Variants in WDR54 observed in about 807,000 individuals in gnomAD.
The protein encoded by WDR54 is WD repeat domain 54.
In WDR54, 44 loss-of-function variants were observed where a neutral mutation model predicts 44.1. That is an observed-to-expected ratio of 1.00 (90% CI 0.78 to 1.28). The LOEUF (loss-of-function observed/expected upper bound fraction) is 1.28. Among genes scored for constraint, WDR54 ranks in the 50% most tolerant of loss-of-function variants. WDR54 has a pLI of 0.00. For synonymous variants in WDR54, 169 were observed against 169.8 expected (o/e 1.00, Z 0.04); for missense variants, 409 against 429.7 (o/e 0.95, Z 0.43).
chr2:74,421,772 G>A lies in WDR54; in HGVS notation c.-46G>A. Reference sequence around the variant, plus strand: ...CTCTATGGTGGCGGCGGATTTGGAGGGACCCTACGAACCAGGAGTCAGGCG... The same window carrying A: ...CTCTATGGTGGCGGCGGATTTGGAGAGACCCTACGAACCAGGAGTCAGGCG... On this transcript the variant is annotated 5_prime_UTR_variant, in exon 1 of 10. Transcript: ENST00000348227. 1.5e-6 allele frequency: 1 copy of A among 662,282 alleles called. No individual in the cohort carries two copies. Among genetic ancestry groups the A allele is most frequent in the South Asian group, 1.7e-5 (1 of 59,098 alleles). 41.0% of individuals were successfully genotyped at this position (662,282 alleles called of 1,614,324 possible).
At position 74,422,793 on chromosome 2, in the gene WDR54, C is replaced by CAAA. The variant is rs201792044; in HGVS notation, c.223-77_223-76insAAA. The CAAA allele has an allele frequency of 2.2e-3, 2,060 of 952,756 alleles. 9 individuals are homozygous for CAAA. Among genetic ancestry groups the CAAA allele is most frequent in the Middle Eastern group, 2.5e-3 (10 of 4,054 alleles). The allele number at this position is 952,756 out of a possible 1,614,324, so 59.0% of individuals were successfully genotyped here. A position where few individuals can be genotyped will look rare whatever the true frequency, so the allele number is the denominator to read the frequency against. ...GGGCCACAGAGCAAGACTCCGTCCCCCAAAAAAAAAAAAAAAACAAACAAA... is the reference window on the plus strand; with the variant it reads ...GGGCCACAGAGCAAGACTCCGTCCCCAAACAAAAAAAAAAAAAAAACAAACAAA... On this transcript the variant is annotated intron_variant, in intron 2 of 9. Transcript: ENST00000348227.
At chr2:74,423,425 T>C in intron 4 of WDR54, 40 bp downstream of exon 4, 2 of 1,614,104 alleles carry the variant, frequency 1.2e-6, no homozygotes, top group South Asian at 2.2e-5. Flanking sequence ...AGGGAGTGTT[T>C]GCTAGGGCTG....
rs772739074 is a variant in WDR54 at position 74,425,412 on chromosome 2, C to T, written c.799-5C>T. 4 of 1,614,142 alleles carry T rather than the reference C, an allele frequency of 2.5e-6. No homozygotes were observed. Among genetic ancestry groups the T allele is most frequent in the Non-Finnish European group, 3.4e-6 (4 of 1,179,990 alleles). The stretch of plus-strand genomic sequence containing the variant: ...ATTCTGACTCCCCCTCTTCCTCCTC[C>T]ACAGCTACTCTCTGCAGGTGAGGAC... On this transcript the variant is annotated splice_region_variant and splice_polypyrimidine_tract_variant and intron_variant, in intron 8 of 9. Coordinates refer to ENST00000348227, the MANE Select transcript of WDR54 (RefSeq NM_032118.4).
intron 4 of WDR54, 21 bp downstream of exon 4, chr2:74,423,406 G>A (rs369622610): frequency 1.0e-4 from 163 of 1,614,050 alleles, no homozygotes; most frequent in Non-Finnish European, 1.3e-4. Flanking sequence ...GACCAAGTGG[G>A]GTGGGGGCAG....
In WDR54 at chr2:74,425,656, G is replaced by T; in HGVS notation, c.960G>T (p.Val320=). 6.2e-7 allele frequency: 1 copy of T among 1,614,220 alleles called. No homozygotes were observed. The highest frequency in any genetic ancestry group is 1.1e-5 in the South Asian group (1 of 91,064). ...FCDSSGNSFA[V]TGYDLAEIRR... is the part of the protein sequence containing the mutation. The stretch of plus-strand genomic sequence containing the variant: ...ATTCCTCAGGCAACTCCTTTGCTGT[G>T]ACTGGCTATGACCTTGCGGAGATCC... Residue 320 remains valine, a synonymous_variant, in exon 10 of 10, where the codon GTG becomes GTT. Coordinates refer to ENST00000348227, the MANE Select transcript of WDR54 (RefSeq NM_032118.4).
intron 2 of WDR54, 120 bp from the exon 3 acceptor site, chr2:74,422,750 G>A (rs1670175200): frequency 3.3e-6 from 3 of 916,614 alleles, no homozygotes; most frequent in Admixed American, 4.8e-5. Context: ...CCGAGATGGC[G>A]CCACTGCACT....
intron 2 of WDR54, 146 bp downstream of exon 2, chr2:74,422,521 G>A: frequency 1.9e-6 from 2 of 1,040,480 alleles, no homozygotes; most frequent in Non-Finnish European, 2.7e-6. Context: ...CCTGCCGGGC[G>A]CGGTGGCTCA....
At chr2:74,423,766 G>A in intron 5 of WDR54, 89 bp from the exon 6 acceptor site, 1 of 1,567,362 alleles carries the variant, frequency 6.4e-7, no homozygotes, top group South Asian at 1.2e-5. Flanking sequence ...TGTTACTAAG[G>A]TTTCTGGGAT....
At position 74,425,631 on chromosome 2, in the gene WDR54, A is replaced by T. The variant is rs757732556; in HGVS notation, c.935A>T (p.Asp312Val). The change falls in exon 10 of 10, where the codon GAT becomes GTT. Residue 312 changes from aspartate to valine, a missense_variant. Coordinates refer to ENST00000348227, the MANE Select transcript of WDR54 (RefSeq NM_032118.4). ...DTQLCGARFC[D>V]SSGNSFAVTG... Reference sequence around the variant, plus strand: ...CAGCTGTGTGGTGCTCGATTTTGTGATTCCTCAGGCAACTCCTTTGCTGTG... The same window carrying T: ...CAGCTGTGTGGTGCTCGATTTTGTGTTTCCTCAGGCAACTCCTTTGCTGTG... The T allele has an allele frequency of 1.1e-5, 18 of 1,614,046 alleles. No individual in the cohort carries two copies. The highest frequency in any genetic ancestry group is 1.4e-5 in the Non-Finnish European group (17 of 1,180,034).
chr2:74,422,122 C>T (rs369267348), intron 1 of WDR54, 31 bp from the exon 2 acceptor site: 68 of 1,600,764 alleles, frequency 4.2e-5, no homozygotes, highest in Non-Finnish European at 5.6e-5. Flanking sequence ...GTTTGTAGCG[C>T]GCCTGGTGAT....
chr2:74,422,964 A>G, intron 3 of WDR54, 32 bp downstream of exon 3: 1 of 1,611,426 alleles, frequency 6.2e-7, no homozygotes, highest in Non-Finnish European at 8.5e-7. Context: ...TTGCCCCACC[A>G]GAGCCTTCTC....
At chr2:74,424,584 G>A (rs1044788844) in intron 6 of WDR54, among the ~76,000 whole-genome samples, 4 of 152,172 alleles carry the variant, frequency 2.6e-5, no homozygotes, top group Non-Finnish European at 5.9e-5. Flanking sequence ...AGAAGGTCAC[G>A]ACACTGTGGC....
chr2:74,424,599 GT>G (rs2103859740), intron 6 of WDR54, among the ~76,000 whole-genome samples: 1 of 152,200 alleles, frequency 6.6e-6, no homozygotes, highest in East Asian at 1.9e-4. Context: ...TGTGGCCTCA[GT>G]TTTATCATCC....
chr2:74,425,446 G>A lies in WDR54; in HGVS notation c.828G>A (p.Val276=). The stretch of plus-strand genomic sequence containing the variant: ...TCTCTGCAGGTGAGGACACCTTTGT[G>A]CATATCTGGAAGCTGAGCAGAAACC... ...KLLSAGEDTF[V]HIWKLSRNPE... The change falls in exon 9 of 10, where the codon GTG becomes GTA. Residue 276 remains valine (V), a synonymous_variant. Coordinates refer to ENST00000348227, the MANE Select transcript of WDR54 (RefSeq NM_032118.4). The A allele has an allele frequency of 1.2e-6, 2 of 1,614,200 alleles. No homozygotes were observed. The highest frequency in any genetic ancestry group is 2.7e-5 in the African/African-American group (2 of 75,034).
Position 74,421,786 on chromosome 2 carries a change from A to T in WDR54, c.-32A>T, listed in dbSNP as rs921311953. ...CGGATTTGGAGGGACCCTACGAACCAGGAGTCAGGCGAGCCGATCTGGGGC... is the reference window on the plus strand; with the variant it reads ...CGGATTTGGAGGGACCCTACGAACCTGGAGTCAGGCGAGCCGATCTGGGGC... On this transcript the variant is annotated 5_prime_UTR_variant, in exon 1 of 10. Coordinates refer to ENST00000348227, the MANE Select transcript of WDR54 (RefSeq NM_032118.4). 7.4e-6 allele frequency: 5 copies of T among 673,476 alleles called. No individual in the cohort carries two copies. The highest frequency in any genetic ancestry group is 4.7e-5 in the Admixed American group (2 of 42,190). The allele number at this position is 673,476 out of a possible 1,614,324, so 41.7% of individuals were successfully genotyped here.
rs1022455931 is a variant in WDR54 at position 74,423,714 on chromosome 2, T to C, written c.407-141T>C. On this transcript the variant is annotated intron_variant, in intron 5 of 9. Transcript: ENST00000348227. ...TCAGGGTGGGATAAGACAAGGCTAG[T>C]GAATGAAGGGGCATGGCCGTTGGAG... 4 of 1,448,096 alleles carry C rather than the reference T, an allele frequency of 2.8e-6. No individual in the cohort carries two copies. In the African/African-American group the frequency reaches 5.6e-5, roughly 20 times the overall value. The allele number at this position is 1,448,096 out of a possible 1,614,324, so 89.7% of individuals were successfully genotyped here.
intron 5 of WDR54, 45 bp from the exon 6 acceptor site, chr2:74,423,810 A>C (rs777524895): frequency 1.1e-5 from 17 of 1,602,822 alleles, no homozygotes; most frequent in Non-Finnish European, 1.5e-5. Flanking sequence ...CTGGAGACCC[A>C]GGAGGGTCAG....
At chr2:74,425,522 G>T (rs776878623) in intron 9 of WDR54, 31 bp downstream of exon 9, 3 of 1,614,100 alleles carry the variant, frequency 1.9e-6, no homozygotes, top group Non-Finnish European at 2.5e-6. Flanking sequence ...GGAATGGGGG[G>T]GCCCAAGCAT....
At chr2:74,422,120 C>A (rs375097255) in intron 1 of WDR54, 33 bp from the exon 2 acceptor site, 1 of 1,598,514 alleles carries the variant, frequency 6.3e-7, no homozygotes, top group Non-Finnish European at 8.6e-7. Flanking sequence ...CTGTTTGTAG[C>A]GCGCCTGGTG....
Sources: gnomAD v4.1 joint callset for allele counts (sites outside exome capture counted in the v4.1 genomes callset) on GRCh38, gnomAD v4.1.1 for gene constraint, MANE v1.5 for transcripts, NCBI Gene and HGNC (gene_info 2026-07-23, HGNC 2026-07-21) for gene names.